BLOC1S5: variants seen among roughly 807,000 people sequenced by gnomAD.
BLOC1S5 encodes the protein biogenesis of lysosomal organelles complex 1 subunit 5, also known as biogenesis of lysosome-related organelles complex 1 subunit 5.
BLOC1S5 carries 27 observed loss-of-function variants against 24.3 expected under a neutral mutation model. The observed-to-expected ratio is 1.11, with a 90% CI of 0.82 to 1.53. The LOEUF is 1.53. BLOC1S5 is among the 40% of genes most tolerant of loss of function. The pLI is 0.00. For missense variants in BLOC1S5, 239 were observed against 229.4 expected (o/e 1.04, Z -0.27); for synonymous variants, 84 against 74.5 (o/e 1.13, Z -0.66).
At chr6:8,040,161 G>C (rs1192403567) in intron 3 of BLOC1S5, among the ~76,000 whole-genome samples, 2 of 152,162 alleles carry the variant, frequency 1.3e-5, no homozygotes, top group Non-Finnish European at 2.9e-5. Context: ...AGGCAGAAGA[G>C]CTAGGCTTGG....
Position 8,062,547 on chromosome 6 carries a change from A to C in BLOC1S5, c.182T>G (p.Val61Gly). The C allele has an allele frequency of 3.8e-6, 6 of 1,587,800 alleles. No individual in the cohort carries two copies. In the East Asian group the frequency reaches 1.3e-4, roughly 36 times the overall value. Reference sequence around the variant, plus strand: ...TTAAATACTCACTTCAAATTCTTTTACAAAATAACGAGTTTCACCTTGAAT... The same window carrying C: ...TTAAATACTCACTTCAAATTCTTTTCCAAAATAACGAGTTTCACCTTGAAT... ...PVIQGETRYF[V>G]KEFEEKRGLR... The change falls in exon 2 of 5, where the codon GTA (valine) becomes GGA (glycine). Residue 61 changes from valine (V) to glycine (G), a missense_variant. Val to Gly is a moderately radical substitution (Grantham distance 109, BLOSUM62 -3). Transcript: ENST00000397457.
intron 2 of BLOC1S5, among the ~76,000 whole-genome samples, chr6:8,057,092 G>A (rs1764336978): frequency 6.6e-6 from 1 of 152,160 alleles, no homozygotes; most frequent in African/African-American, 2.4e-5. Context: ...GGTGGTATAT[G>A]CCTGTAATCC....
chr6:8,049,635 A>T (rs563929890), intron 2 of BLOC1S5, among the ~76,000 whole-genome samples: 1 of 152,290 alleles, frequency 6.6e-6, no homozygotes, highest in African/African-American at 2.4e-5. Flanking sequence ...GTAATTATTA[A>T]CAACTTATCC....
chr6:8,056,079 C>T (rs78422728), intron 2 of BLOC1S5, among the ~76,000 whole-genome samples: 5,342 of 152,296 alleles, frequency 0.035, 250 homozygotes, highest in African/African-American at 0.11. Flanking sequence ...CCTTCTGCCT[C>T]CCACCATAGG....
intron 4 of BLOC1S5, among the ~76,000 whole-genome samples, chr6:8,018,817 T>C (rs1762823954): frequency 6.6e-6 from 1 of 152,192 alleles, no homozygotes; most frequent in Admixed American, 6.5e-5. Context: ...CCCTTGCCAT[T>C]TCAGTTTCTG....
intron 4 of BLOC1S5, among the ~76,000 whole-genome samples, chr6:8,020,124 A>T (rs1561853815): frequency 6.6e-6 from 1 of 152,222 alleles, no homozygotes; most frequent in Non-Finnish European, 1.5e-5. Flanking sequence ...CATTTAATAA[A>T]TTTTTTAAAT....
At chr6:8,030,383 C>A (rs1763256401) in intron 3 of BLOC1S5, among the ~76,000 whole-genome samples, 1 of 151,514 alleles carries the variant, frequency 6.6e-6, no homozygotes, top group Admixed American at 6.6e-5. Context: ...TGGTCTTGAA[C>A]TCCTGACCTC....
At chr6:8,039,825 G>T (rs181335703) in intron 3 of BLOC1S5, among the ~76,000 whole-genome samples, 17 of 152,290 alleles carry the variant, frequency 1.1e-4, no homozygotes, top group African/African-American at 2.9e-4. Context: ...TAGTTGGGAA[G>T]ACAGGGGTAT....
At chr6:8,039,021 C>T (rs1371682948) in intron 3 of BLOC1S5, among the ~76,000 whole-genome samples, 1 of 152,180 alleles carries the variant, frequency 6.6e-6, no homozygotes, top group Non-Finnish European at 1.5e-5. Flanking sequence ...TTTATTGAAG[C>T]ACTAGCCAAA....
chr6:8,058,512 C>G (rs2113606279), intron 2 of BLOC1S5, among the ~76,000 whole-genome samples: 1 of 151,520 alleles, frequency 6.6e-6, no homozygotes, highest in South Asian at 2.1e-4. Context: ...CAAAGACAAA[C>G]ACAAGTAAGA....
chr6:8,023,618 G>T (rs1244918714), intron 4 of BLOC1S5, among the ~76,000 whole-genome samples: 1 of 152,022 alleles, frequency 6.6e-6, no homozygotes, highest in African/African-American at 2.4e-5. Flanking sequence ...ATGAGTAATG[G>T]CAATAGTCTA....
At chr6:8,034,574 T>A (rs1488655471) in intron 3 of BLOC1S5, among the ~76,000 whole-genome samples, 1 of 152,252 alleles carries the variant, frequency 6.6e-6, no homozygotes, top group Middle Eastern at 3.4e-3. Flanking sequence ...TATATACCTA[T>A]GTATCAAACC....
intron 3 of BLOC1S5, 72 bp from the exon 4 acceptor site, chr6:8,026,497 G>T: frequency 8.3e-7 from 1 of 1,198,962 alleles, no homozygotes; most frequent in Non-Finnish European, 1.2e-6. Context: ...GGGGAGGAGT[G>T]TGTGTGGAGA....
intron 4 of BLOC1S5, among the ~76,000 whole-genome samples, chr6:8,025,634 C>G (rs1057028530): frequency 6.6e-6 from 1 of 152,130 alleles, no homozygotes; most frequent in African/African-American, 2.4e-5. Context: ...TATACAGTGA[C>G]AGATGTGAAC....
chr6:8,041,034 G>T, intron 3 of BLOC1S5, 105 bp downstream of exon 3: 2 of 1,297,956 alleles, frequency 1.5e-6, no homozygotes, highest in African/African-American at 1.5e-5. Flanking sequence ...CTGTAACTGA[G>T]CTTCCCTCTC....
intron 3 of BLOC1S5, among the ~76,000 whole-genome samples, chr6:8,028,316 T>C (rs1763176864): frequency 6.6e-6 from 1 of 151,958 alleles, no homozygotes; most frequent in African/African-American, 2.4e-5. Flanking sequence ...AATATTTAAG[T>C]ATTGAAAATT....
chr6:8,032,350 T>C (rs577103738), intron 3 of BLOC1S5, among the ~76,000 whole-genome samples: 3 of 151,934 alleles, frequency 2.0e-5, no homozygotes, highest in Non-Finnish European at 4.4e-5. Context: ...CCAACAAACA[T>C]ATGAAAAATG....
intron 3 of BLOC1S5, among the ~76,000 whole-genome samples, chr6:8,038,200 A>G (rs1319942158): frequency 1.3e-5 from 2 of 152,346 alleles, no homozygotes; most frequent in East Asian, 3.9e-4. Context: ...GAAAATAATC[A>G]GCAAGTTGAA....
chr6:8,051,471 G>A (rs913005620), intron 2 of BLOC1S5, among the ~76,000 whole-genome samples: 1 of 152,228 alleles, frequency 6.6e-6, no homozygotes, highest in African/African-American at 2.4e-5. Flanking sequence ...AGTGCAAGGT[G>A]AAGCAACAAA....
Sources: gnomAD v4.1 joint callset for allele counts (sites outside exome capture counted in the v4.1 genomes callset) on GRCh38, gnomAD v4.1.1 for gene constraint, MANE v1.5 for transcripts, NCBI Gene and HGNC (gene_info 2026-07-23, HGNC 2026-07-21) for gene names.